Variants in LRRC4C observed in about 807,000 individuals in gnomAD.
LRRC4C encodes leucine rich repeat containing 4C.
A neutral mutation model predicts 33.6 loss-of-function variants in LRRC4C; 5 were observed. The ratio of observed to expected loss-of-function variants is 0.15; its 90% CI spans 0.08 to 0.31. The LOEUF (loss-of-function observed/expected upper bound fraction) is 0.31, where lower values mean the gene tolerates loss of function less well. Among genes scored for constraint, LRRC4C ranks in the 10% least tolerant of loss-of-function variants. LRRC4C has a pLI of 1.00. For missense variants in LRRC4C, 560 were observed against 796.7 expected, an observed-to-expected ratio of 0.70 and a Z score of 3.58; for synonymous variants, 329 against 302.0, an observed-to-expected ratio of 1.09 and a Z score of -0.93.
intron 5 of LRRC4C, among the ~76,000 whole-genome samples, chr11:40,227,102 A>T (rs1407961011): frequency 2.0e-5 from 3 of 152,306 alleles, no homozygotes; most frequent in South Asian, 4.1e-4. Context: ...CACTCACACA[A>T]AGAGTGTTCT....
chr11:40,220,550 A>G (rs866175038), intron 5 of LRRC4C, among the ~76,000 whole-genome samples: 11 of 152,266 alleles, frequency 7.2e-5, no homozygotes, highest in African/African-American at 2.4e-4. Context: ...TGAATTCATT[A>G]CTGTCAATAC....
At chr11:41,227,256 G>T (rs570476668) in intron 1 of LRRC4C, among the ~76,000 whole-genome samples, 3 of 151,836 alleles carry the variant, frequency 2.0e-5, no homozygotes, top group Admixed American at 6.6e-5. Context: ...ACCCTAAAAA[G>T]GTAGGGAATA....
intron 1 of LRRC4C, among the ~76,000 whole-genome samples, chr11:41,304,040 G>GT (rs1950379869): frequency 1.3e-5 from 1 of 75,792 alleles, no homozygotes; most frequent in Non-Finnish European, 3.3e-5. Flanking sequence ...CATCCGGGAG[G>GT]GAGGTGGGGG....
chr11:40,290,965 C>A (rs1421890775), intron 4 of LRRC4C, among the ~76,000 whole-genome samples: 2 of 152,068 alleles, frequency 1.3e-5, no homozygotes, highest in Admixed American at 6.5e-5. Flanking sequence ...CAGTTTGGAT[C>A]CCAAACTGAC....
chr11:41,076,866 C>T (rs1435393256), intron 1 of LRRC4C, among the ~76,000 whole-genome samples: 1 of 152,128 alleles, frequency 6.6e-6, no homozygotes, highest in Admixed American at 6.6e-5. Context: ...AAATCAAAAG[C>T]AAGTTAATTA....
chr11:41,168,666 A>T, intron 1 of LRRC4C, among the ~76,000 whole-genome samples: 1 of 152,318 alleles, frequency 6.6e-6, no homozygotes, highest in Admixed American at 6.5e-5. Flanking sequence ...AAGATGCTCA[A>T]TTATACATCT....
In LRRC4C at chr11:40,288,171, G is replaced by A. The variant is rs547837467; in HGVS notation, c.-176+31457C>T. ...AGGTTAAATGATGCATGTAACACAC[G>A]TGGCCCAGTGGGAAGCTGAGTATTT... On this transcript the variant is annotated intron_variant, in intron 4 of 6. Transcript: ENST00000528697. 2.6e-5 allele frequency among the ~76,000 whole-genome samples: 4 copies of A among 152,228 alleles called. No individual in the cohort carries two copies. In the South Asian group the frequency reaches 6.2e-4, roughly 24 times the overall value.
At chr11:40,819,658 C>G (rs904493562) in intron 2 of LRRC4C, among the ~76,000 whole-genome samples, 1 of 151,894 alleles carries the variant, frequency 6.6e-6, no homozygotes, top group Non-Finnish European at 1.5e-5. Context: ...AACCCAGAAG[C>G]TGTGTGCATA....
chr11:40,539,251 G>A (rs150808739), intron 3 of LRRC4C, among the ~76,000 whole-genome samples: 10 of 152,098 alleles, frequency 6.6e-5, no homozygotes, highest in African/African-American at 2.2e-4. Context: ...CATTTCACAT[G>A]CTTCACCATT....
chr11:40,890,536 A>G (rs1050621848), intron 2 of LRRC4C, among the ~76,000 whole-genome samples: 1 of 152,182 alleles, frequency 6.6e-6, no homozygotes, highest in Admixed American at 6.6e-5. Context: ...AATTTTGGAG[A>G]CGTATTTAAA....
intron 3 of LRRC4C, among the ~76,000 whole-genome samples, chr11:40,346,769 C>T (rs959458998): frequency 3.3e-5 from 5 of 152,070 alleles, no homozygotes; most frequent in Admixed American, 1.3e-4. Context: ...CTTGAGTGAC[C>T]GAGTACATTG....
At chr11:41,225,125 G>A (rs377331109) in intron 1 of LRRC4C, among the ~76,000 whole-genome samples, 1 of 152,124 alleles carries the variant, frequency 6.6e-6, no homozygotes, top group Non-Finnish European at 1.5e-5. Flanking sequence ...GTTACCAGAG[G>A]TTGGGGAGGC....
intron 5 of LRRC4C, among the ~76,000 whole-genome samples, chr11:40,171,331 T>G (rs1291481347): frequency 6.6e-6 from 1 of 152,166 alleles, no homozygotes; most frequent in Admixed American, 6.5e-5. Flanking sequence ...GCATTAAACT[T>G]GGCTTTACAA....
intron 2 of LRRC4C, among the ~76,000 whole-genome samples, chr11:40,673,888 A>G (rs1169799791): frequency 6.6e-6 from 1 of 152,174 alleles, no homozygotes; most frequent in African/African-American, 2.4e-5. Context: ...GGTCACCAAG[A>G]TACCAGTGTT....
chr11:40,308,446 G>A (rs773713497), intron 4 of LRRC4C, among the ~76,000 whole-genome samples: 6 of 152,174 alleles, frequency 3.9e-5, no homozygotes, highest in Non-Finnish European at 7.3e-5. Context: ...TCTGGAACCT[G>A]TGGCTATGTC....
At chr11:41,231,879 C>A (rs1313612716) in intron 1 of LRRC4C, among the ~76,000 whole-genome samples, 1 of 151,194 alleles carries the variant, frequency 6.6e-6, no homozygotes, top group Non-Finnish European at 1.5e-5. Flanking sequence ...ACTTTTGAAT[C>A]CATGGGTCTT....
At chr11:40,846,643 CT>C (rs1317902563) in intron 2 of LRRC4C, among the ~76,000 whole-genome samples, 6 of 151,936 alleles carry the variant, frequency 3.9e-5, no homozygotes, top group Non-Finnish European at 7.4e-5. Context: ...TATTATGGCT[CT>C]TTTTTGGTTT....
chr11:40,830,359 C>T (rs1396784183), intron 2 of LRRC4C, among the ~76,000 whole-genome samples: 2 of 152,054 alleles, frequency 1.3e-5, no homozygotes, highest in African/African-American at 4.8e-5. Flanking sequence ...CCAACCAAAG[C>T]AGTATTATCA....
At chr11:40,254,761 G>A (rs1867068958) in intron 4 of LRRC4C, among the ~76,000 whole-genome samples, 1 of 152,112 alleles carries the variant, frequency 6.6e-6, no homozygotes, top group South Asian at 2.1e-4. Context: ...CTTACTAGAG[G>A]GAGAGAGACA....
Sources: allele counts gnomAD v4.1 joint callset (sites outside exome capture counted in the v4.1 genomes callset), GRCh38; gene constraint gnomAD v4.1.1; transcripts MANE v1.5; gene names NCBI Gene and HGNC (gene_info 2026-07-23, HGNC 2026-07-21).